The following SERPINI1 variants were observed in gnomAD, a reference collection of about 807,000 sequenced individuals.
SERPINI1 encodes the protein serpin family I member 1, also known as neuroserpin.
A neutral mutation model predicts 41.1 loss-of-function variants in SERPINI1; 19 were observed. That is an observed-to-expected ratio of 0.46 (90% CI 0.32 to 0.68). The LOEUF is 0.68. SERPINI1 is among the 30% of genes least tolerant of loss of function. The pLI is 0.03. For missense variants in SERPINI1, 460 were observed against 479.2 expected, an observed-to-expected ratio of 0.96 and a Z score of 0.37; for synonymous variants, 138 against 156.6, an observed-to-expected ratio of 0.88 and a Z score of 0.89.
chr3:167,754,877 G>T (rs1317282050), intron 1 of SERPINI1, among the ~76,000 whole-genome samples: 1 of 152,172 alleles, frequency 6.6e-6, no homozygotes, highest in Non-Finnish European at 1.5e-5. Context: ...CTGAGTAGGT[G>T]CTTGCTTCTT....
Position 167,792,549 on chromosome 3 carries a change from G to C in SERPINI1, c.482-41G>C, listed in dbSNP as rs1303113175. ...TCTTCTGGTCCCCCTTGATCTTCCA[G>C]TTTAACATGAATTTTTATCTATTCA... On this transcript the variant is annotated intron_variant, in intron 3 of 8. Coordinates refer to ENST00000446050, the MANE Select transcript of SERPINI1 (RefSeq NM_001122752.2). The C allele has an allele frequency of 2.5e-6, 4 of 1,570,250 alleles. No homozygotes were observed. The Admixed American group carries it at 6.7e-5, about 26-fold the overall frequency.
chr3:167,786,058 G>A (rs919950070), intron 1 of SERPINI1, among the ~76,000 whole-genome samples: 4 of 152,138 alleles, frequency 2.6e-5, no homozygotes, highest in Non-Finnish European at 2.9e-5. Context: ...GTAGCTCCTC[G>A]GCTACAAACT....
chr3:167,767,974 A>G (rs1726619470), intron 1 of SERPINI1, among the ~76,000 whole-genome samples: 1 of 152,200 alleles, frequency 6.6e-6, no homozygotes, highest in Non-Finnish European at 1.5e-5. Context: ...AAGAATTTAG[A>G]CTATTACAAA....
In SERPINI1 at chr3:167,825,240, A is replaced by T. The variant is rs759162246; in HGVS notation, c.1157-7A>T. The T allele has an allele frequency of 1.3e-6, 2 of 1,599,984 alleles. No individual in the cohort carries two copies. Among genetic ancestry groups the T allele is most frequent in the Non-Finnish European group, 1.7e-6 (2 of 1,167,206 alleles). On this transcript the variant is annotated splice_polypyrimidine_tract_variant and splice_region_variant and intron_variant, in intron 8 of 8. Coordinates refer to ENST00000446050, the MANE Select transcript of SERPINI1 (RefSeq NM_001122752.2). Reference sequence around the variant, plus strand: ...CCCCTCTTTTGTTTACTTCTGAACCAATACAGGTACAATTCTATTCATGGG... The same window carrying T: ...CCCCTCTTTTGTTTACTTCTGAACCTATACAGGTACAATTCTATTCATGGG...
At position 167,756,052 on chromosome 3, in the gene SERPINI1, C is replaced by A. The variant is rs1280377563; in HGVS notation, c.-19+20229C>A. On this transcript the variant is annotated intron_variant, in intron 1 of 8. Coordinates refer to ENST00000446050, the MANE Select transcript of SERPINI1 (RefSeq NM_001122752.2). Reference sequence around the variant, plus strand: ...CTGGTCACTCTCCCCACCCCCTGACCCCTGCCCCCAACCCCAGAGAGCCAT... The same window carrying A: ...CTGGTCACTCTCCCCACCCCCTGACACCTGCCCCCAACCCCAGAGAGCCAT... Among the ~76,000 whole-genome samples the A allele has an allele frequency of 2.0e-5, 3 of 151,928 alleles. No individual in the cohort carries two copies. In the East Asian group the frequency reaches 5.8e-4, roughly 29 times the overall value.
chr3:167,746,015 C>G lies in SERPINI1; in HGVS notation c.-19+10192C>G, dbSNP rs1725853098. Among the ~76,000 whole-genome samples the G allele has an allele frequency of 2.0e-5, 3 of 152,054 alleles. 1 individual carries two copies. The South Asian group carries it at 6.2e-4, about 32-fold the overall frequency. On this transcript the variant is annotated intron_variant, in intron 1 of 8. Coordinates refer to ENST00000446050, the MANE Select transcript of SERPINI1 (RefSeq NM_001122752.2). ...AAATTAATATGCAGATTTAATGAAT[C>G]AAAATGTCAGCCACTTTTTTTGCAG...
At chr3:167,801,831 A>G (rs1727909156) in intron 5 of SERPINI1, among the ~76,000 whole-genome samples, 1 of 152,164 alleles carries the variant, frequency 6.6e-6, no homozygotes, top group Non-Finnish European at 1.5e-5. Flanking sequence ...ATGGACAACT[A>G]GAGATTATTT....
intron 1 of SERPINI1, among the ~76,000 whole-genome samples, chr3:167,742,818 T>TTGTG (rs10576293): frequency 0.018 from 2,635 of 145,048 alleles, 29 homozygotes; most frequent in African/African-American, 0.031. Context: ...TTGTGCCGTT[T>TTGTG]TGTGTGTGTG....
chr3:167,787,478 A>G (rs1727352455), intron 1 of SERPINI1, among the ~76,000 whole-genome samples: 1 of 152,238 alleles, frequency 6.6e-6, no homozygotes, highest in Admixed American at 6.5e-5. Flanking sequence ...TCTCTGGAGT[A>G]CAAAAGGAAG....
chr3:167,792,592 C>T lies in SERPINI1; in HGVS notation c.484C>T (p.Leu162=). 6.2e-7 allele frequency: 1 copy of T among 1,612,778 alleles called. No individual in the cohort carries two copies. The highest frequency in any genetic ancestry group is 1.1e-5 in the South Asian group (1 of 90,968). ...TCTATTCATTTTTTCCTAAATAGAT[C>T]TGGTGAAAGATTTGGTATCCCCAAG... The part of the protein sequence containing the change: ...NKWVENNTNN[L]VKDLVSPRDF... The change falls in exon 4 of 9, where the codon CTG becomes TTG. Residue 162 remains leucine (L), a splice_region_variant and synonymous_variant. Transcript: ENST00000446050.
intron 1 of SERPINI1, among the ~76,000 whole-genome samples, chr3:167,767,957 T>TA (rs1726619072): frequency 6.6e-6 from 1 of 152,174 alleles, no homozygotes; most frequent in Non-Finnish European, 1.5e-5. Context: ...TTGTTGAAAT[T>TA]ACAAGAAAGA....
At chr3:167,758,428 G>A (rs1053622380) in intron 1 of SERPINI1, among the ~76,000 whole-genome samples, 4 of 152,128 alleles carry the variant, frequency 2.6e-5, no homozygotes, top group Non-Finnish European at 5.9e-5. Flanking sequence ...TAAGTAAATG[G>A]GAGCAAAGGG....
intron 1 of SERPINI1, among the ~76,000 whole-genome samples, chr3:167,744,710 A>AAT (rs1553770429): frequency 7.7e-6 from 1 of 130,596 alleles, no homozygotes; most frequent in African/African-American, 2.9e-5. Context: ...ATATATATAA[A>AAT]ATATATATAA....
At chr3:167,764,738 C>T (rs1726505110) in intron 1 of SERPINI1, among the ~76,000 whole-genome samples, 1 of 152,238 alleles carries the variant, frequency 6.6e-6, no homozygotes, top group African/African-American at 2.4e-5. Context: ...CAAGTCCCTT[C>T]TACCTATGAG....
At chr3:167,747,461 G>C (rs1725893666) in intron 1 of SERPINI1, among the ~76,000 whole-genome samples, 1 of 152,110 alleles carries the variant, frequency 6.6e-6, no homozygotes, top group African/African-American at 2.4e-5. Context: ...TGGCTAACAC[G>C]GTGAAACTCT....
intron 6 of SERPINI1, among the ~76,000 whole-genome samples, chr3:167,821,678 A>G (rs1315232035): frequency 6.6e-6 from 1 of 152,238 alleles, no homozygotes; most frequent in African/African-American, 2.4e-5. Context: ...AGGCCTAGGC[A>G]AAACTCAGGC....
At chr3:167,825,216 C>G (rs781003888) in intron 8 of SERPINI1, 31 bp from the exon 9 acceptor site, 1 of 1,339,750 alleles carries the variant, frequency 7.5e-7, no homozygotes, top group Admixed American at 1.7e-5. Flanking sequence ...TTTGTTCACC[C>G]CCTCTTTTGT....
At position 167,774,852 on chromosome 3, in the gene SERPINI1, A is replaced by T. The variant is rs1726910259; in HGVS notation, c.-18-14259A>T. Among the ~76,000 whole-genome samples the T allele has an allele frequency of 2.0e-5, 3 of 152,264 alleles. No homozygotes were observed. The South Asian group carries it at 6.2e-4, about 32-fold the overall frequency. ...CCAAAAGGTTGGGGGCCACTGTTAT[A>T]AAGTACAGCAAGAAGTTAAAGCTAA... On this transcript the variant is annotated intron_variant, in intron 1 of 8. Transcript: ENST00000446050.
At chr3:167,748,715 C>T (rs1012810002) in intron 1 of SERPINI1, among the ~76,000 whole-genome samples, 20 of 151,098 alleles carry the variant, frequency 1.3e-4, no homozygotes, top group African/African-American at 4.6e-4. Flanking sequence ...CAAAATAGGT[C>T]AGCAGTCAGC....
Sources: gnomAD v4.1 joint callset for allele counts (sites outside exome capture counted in the v4.1 genomes callset) on GRCh38, gnomAD v4.1.1 for gene constraint, MANE v1.5 for transcripts, NCBI Gene and HGNC (gene_info 2026-07-23, HGNC 2026-07-21) for gene names.